Variants in AKAP3 observed in about 807,000 individuals in gnomAD.
AKAP3 encodes the protein A-kinase anchoring protein 3, also known as A-kinase anchor protein 3.
In AKAP3, 27 loss-of-function variants were observed where a neutral mutation model predicts 57.2. The ratio of observed to expected loss-of-function variants is 0.47; its 90% confidence interval spans 0.35 to 0.65. The LOEUF (loss-of-function observed/expected upper bound fraction) is 0.65. AKAP3 is among the 30% of genes least tolerant of loss of function. AKAP3 has a pLI of 0.01. For missense variants in AKAP3, 959 were observed against 1,040.0 expected, an observed-to-expected ratio of 0.92 and a Z score of 1.07; for synonymous variants, 334 against 392.3, an observed-to-expected ratio of 0.85 and a Z score of 1.76.
chr12:4,629,441 A>G (rs1329115630), intron 4 of AKAP3, among the ~76,000 whole-genome samples: 3 of 152,180 alleles, frequency 2.0e-5, no homozygotes, highest in Non-Finnish European at 4.4e-5. Context: ...GAACACATGG[A>G]CACATAGAGG....
At chr12:4,638,257 G>C in intron 3 of AKAP3, 61 bp from the exon 4 acceptor site, 1 of 1,201,474 alleles carries the variant, frequency 8.3e-7, no homozygotes, top group South Asian at 1.4e-5. Context: ...ATGAAAGTAA[G>C]AAGAAATGTG....
rs775229840 is a variant in AKAP3 at position 4,628,189 on chromosome 12, T to C, written c.713A>G (p.Lys238Arg). Residue 238 changes from lysine to arginine, a missense_variant, in exon 5 of 6, where the codon AAG (lysine) becomes AGG (arginine). Lys to Arg is a conservative substitution (Grantham distance 26, BLOSUM62 2). Coordinates refer to ENST00000228850, the MANE Select transcript of AKAP3 (RefSeq NM_001278309.2). ...QGPDDKPPSKKSFFYKEVFES... is the reference protein window; with the variant it reads ...QGPDDKPPSKRSFFYKEVFES... The stretch of plus-strand genomic sequence containing the variant: ...AAACACTTCCTTATAGAAGAAAGAC[T>C]TCTTAGAAGGAGGCTTGTCATCTGG... The C allele has an allele frequency of 1.2e-6, 2 of 1,614,198 alleles. No homozygotes were observed. Among genetic ancestry groups the C allele is most frequent in the East Asian group, 4.5e-5 (2 of 44,884 alleles).
At chr12:4,621,602 G>C (rs1945348765) in intron 5 of AKAP3, among the ~76,000 whole-genome samples, 2 of 152,130 alleles carry the variant, frequency 1.3e-5, no homozygotes, top group Non-Finnish European at 2.9e-5. Context: ...TGTAGCCTAG[G>C]AGCAATAGGC....
Position 4,627,667 on chromosome 12 carries a change from AT to A in AKAP3, c.1234del (p.Met412TrpfsTer9). On this transcript the variant is annotated frameshift_variant, in exon 5 of 6. Transcript: ENST00000228850. LOFTEE classifies it high-confidence loss of function. ...ESYSLISMKG[M>X]GDPKNRNVNF... ...CACATTTCGGTTTTTAGGATCACCC[AT>A]TCCTTTCATGGAGATGAGGGAATAA... 6.2e-7 allele frequency: 1 copy of A among 1,614,054 alleles called. No homozygotes were observed. The highest frequency in any genetic ancestry group is 8.5e-7 in the Non-Finnish European group (1 of 1,180,020).
intron 4 of AKAP3, chr12:4,631,282 C>T (rs1244816057): frequency 2.9e-6 from 2 of 699,216 alleles, no homozygotes; most frequent in Non-Finnish European, 5.2e-6. Flanking sequence ...TGTGAGGCAA[C>T]AGAAAATCTG....
chr12:4,635,924 C>A, intron 4 of AKAP3: 1 of 795,830 alleles, frequency 1.3e-6, no homozygotes. Flanking sequence ...CTTCCATCAC[C>A]AACACTAGCA....
chr12:4,624,351 G>T (rs952194330), intron 5 of AKAP3, among the ~76,000 whole-genome samples: 1 of 116,626 alleles, frequency 8.6e-6, no homozygotes, highest in Admixed American at 9.1e-5. Flanking sequence ...GTGTGTGTGT[G>T]TGTGTGTGTG....
intron 4 of AKAP3, 54 bp from the exon 5 acceptor site, chr12:4,628,859 T>G: frequency 6.6e-7 from 1 of 1,522,736 alleles, no homozygotes; most frequent in Non-Finnish European, 8.8e-7. Flanking sequence ...ATATGGGATA[T>G]TCAAGACAAC....
chr12:4,640,017 C>T (rs1405718252), intron 3 of AKAP3, among the ~76,000 whole-genome samples: 4 of 151,954 alleles, frequency 2.6e-5, no homozygotes, highest in Admixed American at 6.6e-5. Context: ...GGGGTTTCAC[C>T]GTGTTAGCCA....
chr12:4,628,379 C>T lies in AKAP3; in HGVS notation c.523G>A (p.Ala175Thr). 1 of 1,614,194 alleles carries T rather than the reference C, an allele frequency of 6.2e-7. No individual in the cohort carries two copies. Among genetic ancestry groups the T allele is most frequent in the African/African-American group, 1.3e-5 (1 of 75,068 alleles). Residue 175 changes from alanine (A) to threonine (T), a missense_variant, in exon 5 of 6, where the codon GCA (alanine) becomes ACA (threonine). Physicochemically the swap from Ala to Thr is moderately conservative, Grantham distance 58. Coordinates refer to ENST00000228850, the MANE Select transcript of AKAP3 (RefSeq NM_001278309.2). ...PTPTKSLSKI[A>T]SELVNETVSA... ...ACGGTCTCATTCACAAGCTCTGATG[C>T]TATCTTACTGAGGCTTTTGGTGGGT...
intron 4 of AKAP3, among the ~76,000 whole-genome samples, chr12:4,635,130 T>C (rs1945547885): frequency 6.6e-6 from 1 of 152,226 alleles, no homozygotes; most frequent in African/African-American, 2.4e-5. Flanking sequence ...CACACAGTTC[T>C]CATTTTTCCC....
rs552871158 is a variant in AKAP3, at chr12:4,616,026, G to T, written c.2407-132C>A. 374 of 1,113,614 alleles carry T rather than the reference G, an allele frequency of 3.4e-4. 1 individual carries two copies. The highest frequency in any genetic ancestry group is 4.5e-4 in the Non-Finnish European group (351 of 783,002). The allele number at this position is 1,113,614 out of a possible 1,614,324, so 69.0% of individuals were successfully genotyped here. On this transcript the variant is annotated intron_variant, in intron 5 of 5. Transcript: ENST00000228850. ...GCAACACAGACTTTAAAGTTTGCTG[G>T]CCTGTTTAACAGAAGGAGGTTGGTG...
chr12:4,622,173 A>G (rs1224773049), intron 5 of AKAP3, among the ~76,000 whole-genome samples: 2 of 151,928 alleles, frequency 1.3e-5, no homozygotes, highest in Admixed American at 1.3e-4. Flanking sequence ...ATGGATAGAA[A>G]GAGTCAATAT....
At position 4,627,807 on chromosome 12, in the gene AKAP3, A is replaced by C. The variant is rs1452466831; in HGVS notation, c.1095T>G (p.His365Gln). Residue 365 changes from histidine to glutamine, a missense_variant, in exon 5 of 6, where the codon CAT (histidine) becomes CAG (glutamine). Transcript: ENST00000228850. ...VSAVKRTVFS[H>Q]GSQKATDIMD... ...TGATATCTGTGGCCTTTTGGCTTCC[A>C]TGAGAGAAGACAGTTCTTTTCACAG... The C allele has an allele frequency of 1.4e-5, 23 of 1,613,992 alleles. No individual in the cohort carries two copies. The highest frequency in any genetic ancestry group is 1.7e-5 in the Non-Finnish European group (20 of 1,180,014).
intron 4 of AKAP3, among the ~76,000 whole-genome samples, chr12:4,629,491 G>C (rs1387833007): frequency 6.6e-6 from 1 of 152,164 alleles, no homozygotes; most frequent in Non-Finnish European, 1.5e-5. Flanking sequence ...AGTGGAGGTA[G>C]GGAGGAGGGA....
intron 1 of AKAP3, among the ~76,000 whole-genome samples, chr12:4,646,409 G>A (rs1191945952): frequency 1.3e-5 from 2 of 152,062 alleles, no homozygotes; most frequent in Non-Finnish European, 2.9e-5. Flanking sequence ...AGTGGCTCAC[G>A]TCTGTAATGC....
In AKAP3 at chr12:4,627,940, A is replaced by G. The variant is rs774102073; in HGVS notation, c.962T>C (p.Val321Ala). The G allele has an allele frequency of 3.0e-5, 48 of 1,613,904 alleles. No individual in the cohort carries two copies. In the South Asian group the frequency reaches 5.3e-4, roughly 18 times the overall value. The change falls in exon 5 of 6, where the codon GTT (valine) becomes GCT (alanine). Residue 321 changes from valine (V) to alanine (A), a missense_variant. Physicochemically the swap from Val to Ala is moderately conservative, Grantham distance 64. Transcript: ENST00000228850. ...TTIATILLKK[V>A]LLKHAKEVVS... ...CACCTCTTTTGCATGCTTGAGCAGAACCTTCTTCAGTAGGATGGTGGCAAT... is the reference window on the plus strand; with the variant it reads ...CACCTCTTTTGCATGCTTGAGCAGAGCCTTCTTCAGTAGGATGGTGGCAAT...
intron 5 of AKAP3, among the ~76,000 whole-genome samples, chr12:4,624,552 G>A (rs1381339094): frequency 6.6e-6 from 1 of 151,662 alleles, no homozygotes; most frequent in Non-Finnish European, 1.5e-5. Context: ...TAAAGACATC[G>A]GGCTCACAGA....
chr12:4,633,667 G>A (rs1323897113), intron 4 of AKAP3, among the ~76,000 whole-genome samples: 2 of 150,454 alleles, frequency 1.3e-5, no homozygotes, highest in East Asian at 4.0e-4. Flanking sequence ...CCTGGGGCAA[G>A]TTTTCATGTC....
Sources: allele counts gnomAD v4.1 joint callset (sites outside exome capture counted in the v4.1 genomes callset), GRCh38; gene constraint gnomAD v4.1.1; transcripts MANE v1.5; gene names NCBI Gene and HGNC (gene_info 2026-07-23, HGNC 2026-07-21).